The following HIBADH variants were observed in gnomAD, a reference collection of about 807,000 sequenced individuals.
HIBADH encodes 3-hydroxyisobutyrate dehydrogenase, mitochondrial.
Under a neutral mutation model 36.1 loss-of-function variants are expected in HIBADH, and 25 were observed. That is an observed-to-expected ratio of 0.69 (90% CI 0.50 to 0.97). The LOEUF is 0.97. HIBADH is among the 50% of genes least tolerant of loss of function. HIBADH has a pLI of 0.00. For synonymous variants in HIBADH, 160 were observed against 149.5 expected, an observed-to-expected ratio of 1.07 and a Z score of -0.51; for missense variants, 421 against 418.0, an observed-to-expected ratio of 1.01 and a Z score of -0.06.
At chr7:27,542,883 G>T (rs1784176412) in intron 5 of HIBADH, 84 bp downstream of exon 5, 2 of 1,366,908 alleles carry the variant, frequency 1.5e-6, no homozygotes, top group South Asian at 1.4e-5. Context: ...GAAGAAAGAA[G>T]AATAAAAATA....
At chr7:27,586,876 T>A (rs1180788982) in intron 4 of HIBADH, among the ~76,000 whole-genome samples, 2 of 152,180 alleles carry the variant, frequency 1.3e-5, no homozygotes, top group African/African-American at 4.8e-5. Flanking sequence ...AAAAAGGCTC[T>A]CTAACAGGGC....
At chr7:27,570,481 A>C (rs1784612618) in intron 4 of HIBADH, among the ~76,000 whole-genome samples, 1 of 152,202 alleles carries the variant, frequency 6.6e-6, no homozygotes, top group Admixed American at 6.5e-5. Context: ...ATATTCTAGA[A>C]GAGGCAAAAC....
rs1436163760 is a variant in HIBADH, at chr7:27,632,189, T to C, written c.362+147A>G. ...CAGTGAAAAAATAAGCCTTTTACAA[T>C]GAGAAAACCACCACACTATTCACTT... On this transcript the variant is annotated intron_variant, in intron 3 of 7. Coordinates refer to ENST00000265395, the MANE Select transcript of HIBADH (RefSeq NM_152740.4). 1.5e-5 allele frequency: 8 copies of C among 548,252 alleles called. No homozygotes were observed. The African/African-American group carries it at 1.5e-4, about 11-fold the overall frequency. 34.0% of individuals were successfully genotyped at this position (548,252 alleles called of 1,614,324 possible).
At chr7:27,624,317 TA>T (rs1785601074) in intron 4 of HIBADH, among the ~76,000 whole-genome samples, 1 of 152,236 alleles carries the variant, frequency 6.6e-6, no homozygotes, top group African/African-American at 2.4e-5. Flanking sequence ...ATTCCAAGGC[TA>T]TAGTAATGTT....
chr7:27,656,658 T>C (rs954088928), intron 1 of HIBADH, among the ~76,000 whole-genome samples: 2 of 152,246 alleles, frequency 1.3e-5, no homozygotes, highest in African/African-American at 4.8e-5. Flanking sequence ...GTTGGACTAC[T>C]GGGTCGGAGT....
chr7:27,644,208 G>A (rs1786014208), intron 2 of HIBADH, among the ~76,000 whole-genome samples: 1 of 152,086 alleles, frequency 6.6e-6, no homozygotes, highest in Non-Finnish European at 1.5e-5. Flanking sequence ...GCTCACGCCT[G>A]TAATCCCAGC....
intron 4 of HIBADH, among the ~76,000 whole-genome samples, chr7:27,557,661 C>T (rs375977451): frequency 2.6e-5 from 4 of 152,094 alleles, no homozygotes; most frequent in East Asian, 3.9e-4. Context: ...CTTCACATGG[C>T]AGAAGACAGA....
intron 4 of HIBADH, among the ~76,000 whole-genome samples, chr7:27,567,124 G>A (rs569196092): frequency 2.2e-4 from 34 of 152,232 alleles, no homozygotes; most frequent in African/African-American, 7.9e-4. Context: ...TGAGAGAGAA[G>A]TGTTGAAGTC....
chr7:27,572,662 G>A (rs140996440), intron 4 of HIBADH, among the ~76,000 whole-genome samples: 212 of 152,150 alleles, frequency 1.4e-3, no homozygotes, highest in African/African-American at 4.9e-3. Context: ...GAAATCTCTA[G>A]ATCACTTCAA....
At position 27,526,971 on chromosome 7, in the gene HIBADH, G is replaced by A. The variant is rs547246227; in HGVS notation, c.853-599C>T. Reference sequence around the variant, plus strand: ...TGCTGGGAAAGGTGAAGAAAAAGAAGACAGTGAAGCACAGACCTGGAGCCA... The same window carrying A: ...TGCTGGGAAAGGTGAAGAAAAAGAAAACAGTGAAGCACAGACCTGGAGCCA... On this transcript the variant is annotated intron_variant, in intron 7 of 7. Transcript: ENST00000265395. 8.5e-5 allele frequency among the ~76,000 whole-genome samples: 13 copies of A among 152,292 alleles called. No homozygotes were observed. The East Asian group carries it at 2.5e-3, about 29-fold the overall frequency.
chr7:27,654,006 G>C (rs1390464923), intron 1 of HIBADH, among the ~76,000 whole-genome samples: 1 of 152,160 alleles, frequency 6.6e-6, no homozygotes, highest in East Asian at 1.9e-4. Flanking sequence ...AATTATAACT[G>C]TAGTCTATAT....
chr7:27,550,131 G>A (rs544240414), intron 4 of HIBADH, among the ~76,000 whole-genome samples: 3 of 152,092 alleles, frequency 2.0e-5, no homozygotes, highest in African/African-American at 7.2e-5. Context: ...GGATGGTCTC[G>A]ATCTCTTTGC....
At position 27,585,567 on chromosome 7, in the gene HIBADH, A is replaced by G. The variant is rs541214965; in HGVS notation, c.485-42467T>C. Among the ~76,000 whole-genome samples, 8 of 152,332 alleles carry G rather than the reference A, an allele frequency of 5.3e-5. No homozygotes were observed. In the South Asian group the frequency reaches 1.4e-3, roughly 28 times the overall value. On this transcript the variant is annotated intron_variant, in intron 4 of 7. Coordinates refer to ENST00000265395, the MANE Select transcript of HIBADH (RefSeq NM_152740.4). ...CACATTTCATCTCATCAAAATGAAG[A>G]TATTATTTACCCTGTCTAATTCACT...
intron 4 of HIBADH, among the ~76,000 whole-genome samples, chr7:27,579,259 A>G (rs1784757289): frequency 6.6e-6 from 1 of 152,210 alleles, no homozygotes; most frequent in Non-Finnish European, 1.5e-5. Flanking sequence ...ATATATACTA[A>G]AAGTATTTAA....
chr7:27,650,801 G>A (rs1307793283), intron 1 of HIBADH, among the ~76,000 whole-genome samples: 1 of 151,410 alleles, frequency 6.6e-6, no homozygotes, highest in Non-Finnish European at 1.5e-5. Flanking sequence ...TTACTCCGTG[G>A]GCATATGAAT....
At chr7:27,570,349 T>C (rs1029961089) in intron 4 of HIBADH, among the ~76,000 whole-genome samples, 4 of 152,194 alleles carry the variant, frequency 2.6e-5, no homozygotes, top group East Asian at 1.9e-4. Flanking sequence ...ATTTTGATGA[T>C]ATTGTTCTAC....
intron 2 of HIBADH, among the ~76,000 whole-genome samples, chr7:27,639,581 G>A (rs996812968): frequency 2.0e-5 from 3 of 152,012 alleles, no homozygotes; most frequent in African/African-American, 4.8e-5. Context: ...AATTACCTCC[G>A]AACCTAAAAG....
chr7:27,616,470 T>G (rs1413187439), intron 4 of HIBADH, among the ~76,000 whole-genome samples: 1 of 152,098 alleles, frequency 6.6e-6, no homozygotes, highest in African/African-American at 2.4e-5. Context: ...TTTTTTTGTT[T>G]GTTTGTTTTT....
At chr7:27,589,548 A>T (rs1270607407) in intron 4 of HIBADH, among the ~76,000 whole-genome samples, 2 of 152,196 alleles carry the variant, frequency 1.3e-5, no homozygotes, top group Non-Finnish European at 2.9e-5. Flanking sequence ...TTACATAATA[A>T]TGCCTATTTT....
Sources: gnomAD v4.1 joint callset for allele counts (sites outside exome capture counted in the v4.1 genomes callset) on GRCh38, gnomAD v4.1.1 for gene constraint, MANE v1.5 for transcripts, NCBI Gene and HGNC (gene_info 2026-07-23, HGNC 2026-07-21) for gene names.